KDM4B: variants seen among roughly 807,000 people sequenced by gnomAD.
The protein encoded by KDM4B is lysine demethylase 4B.
In KDM4B, 32 loss-of-function variants were observed where a neutral mutation model predicts 125.2. The observed-to-expected ratio is 0.26, with a 90% CI of 0.19 to 0.34. The LOEUF (loss-of-function observed/expected upper bound fraction) is 0.34. Among genes scored for constraint, KDM4B ranks in the 10% least tolerant of loss-of-function variants. The pLI is 1.00. For missense variants in KDM4B, 1,190 were observed against 1,577.7 expected (o/e 0.75, Z 4.16); for synonymous variants, 721 against 677.9 (o/e 1.06, Z -0.99).
At chr19:4,999,436 C>G (rs933147880) in intron 1 of KDM4B, among the ~76,000 whole-genome samples, 4 of 152,068 alleles carry the variant, frequency 2.6e-5, no homozygotes, top group Admixed American at 2.6e-4. Context: ...CTGGGATTGA[C>G]CAATCTCCAA....
intron 9 of KDM4B, among the ~76,000 whole-genome samples, chr19:5,092,584 C>G (rs751084484): frequency 3.9e-5 from 6 of 152,190 alleles, no homozygotes; most frequent in Non-Finnish European, 7.4e-5. Flanking sequence ...TCGGCAGCCC[C>G]CAGTCTTCTC....
chr19:5,146,040 C>A (rs1023000111), intron 21 of KDM4B, among the ~76,000 whole-genome samples: 1 of 152,104 alleles, frequency 6.6e-6, no homozygotes, highest in African/African-American at 2.4e-5. Context: ...CCCCTACCCC[C>A]CGCCGTGCAG....
rs1211900799 is a variant in KDM4B at position 4,994,498 on chromosome 19, G to C, written c.-108-21759G>C. On this transcript the variant is annotated intron_variant, in intron 1 of 22. Coordinates refer to ENST00000159111, the MANE Select transcript of KDM4B (RefSeq NM_015015.3). ...GAATCGCTTGAACCCGGGAGGTGGA[G>C]ATTGCAGTGAGCCAAGATCATGCCA... 2.2e-5 allele frequency among the ~76,000 whole-genome samples: 3 copies of C among 138,830 alleles called. No individual in the cohort carries two copies. The South Asian group carries it at 6.9e-4, about 32-fold the overall frequency. The allele number at this position is 138,830 out of a possible 152,430, so 91.1% of individuals were successfully genotyped here.
chr19:5,032,430 C>T (rs550197366), intron 2 of KDM4B, among the ~76,000 whole-genome samples: 4 of 152,344 alleles, frequency 2.6e-5, no homozygotes, highest in South Asian at 2.1e-4. Flanking sequence ...TGCCCTTGAG[C>T]GTGTGACCCT....
chr19:5,111,704 C>A, intron 10 of KDM4B: 1 of 754,688 alleles, frequency 1.3e-6, no homozygotes, highest in South Asian at 1.4e-5. Context: ...AGGGACGGCA[C>A]AGAGTGGGCT....
At chr19:5,024,741 G>A (rs371876100) in intron 2 of KDM4B, among the ~76,000 whole-genome samples, 150 of 152,182 alleles carry the variant, frequency 9.9e-4, no homozygotes, top group East Asian at 5.8e-3. Flanking sequence ...ATGAGGTCAG[G>A]AGTTGGAGAC....
chr19:5,069,554 C>G (rs1229572759), intron 6 of KDM4B, among the ~76,000 whole-genome samples: 1 of 151,902 alleles, frequency 6.6e-6, no homozygotes, highest in Non-Finnish European at 1.5e-5. Flanking sequence ...GTGATCCACC[C>G]GCCTCGGCCT....
At chr19:4,993,014 T>C (rs2035076739) in intron 1 of KDM4B, among the ~76,000 whole-genome samples, 4 of 152,228 alleles carry the variant, frequency 2.6e-5, no homozygotes, top group Admixed American at 2.6e-4. Flanking sequence ...GAATGTTCCA[T>C]ATGTACTGAG....
chr19:5,085,154 A>G (rs540532299), intron 9 of KDM4B, among the ~76,000 whole-genome samples: 1 of 152,316 alleles, frequency 6.6e-6, no homozygotes, highest in Non-Finnish European at 1.5e-5. Flanking sequence ...CAGTTTAGAA[A>G]AAGAACAGGG....
intron 11 of KDM4B, among the ~76,000 whole-genome samples, chr19:5,123,960 G>A (rs908757637): frequency 1.3e-5 from 2 of 150,774 alleles, no homozygotes; most frequent in African/African-American, 4.9e-5. Context: ...TGGCTGAGCC[G>A]TGACCATTCT....
chr19:5,095,258 C>T (rs964733711), intron 9 of KDM4B, among the ~76,000 whole-genome samples: 12 of 152,162 alleles, frequency 7.9e-5, no homozygotes, highest in Admixed American at 7.2e-4. Context: ...CTGCAGCTGA[C>T]GAGAGCATTC....
At chr19:5,138,215 T>G in intron 18 of KDM4B, 145 bp downstream of exon 18, 1 of 622,240 alleles carries the variant, frequency 1.6e-6, no homozygotes, top group Non-Finnish European at 2.8e-6. Context: ...AGGAAGCCAG[T>G]GATCCCGACT....
At chr19:5,071,080 C>T (rs376245471) in intron 7 of KDM4B, 21 bp downstream of exon 7, 4 of 1,609,486 alleles carry the variant, frequency 2.5e-6, no homozygotes, top group Non-Finnish European at 3.4e-6. Flanking sequence ...GCCCTGAGGG[C>T]CCCAGGGACC....
In KDM4B at chr19:5,136,161, C is replaced by T. The variant is rs568334093; in HGVS notation, c.2308+600C>T. Among the ~76,000 whole-genome samples the T allele has an allele frequency of 4.6e-4, 70 of 152,326 alleles. 1 individual carries two copies. Among genetic ancestry groups the T allele is most frequent in the African/African-American group, 1.6e-3 (66 of 41,580 alleles). ...CGAGTCTTCTCCAAGGCCTGGGAGG[C>T]GACAGGAGGAACTCAGGCAGCCGCT... On this transcript the variant is annotated intron_variant, in intron 15 of 22. Transcript: ENST00000159111.
chr19:5,039,424 C>T (rs1426887397), intron 3 of KDM4B, among the ~76,000 whole-genome samples: 1 of 152,122 alleles, frequency 6.6e-6, no homozygotes, highest in Admixed American at 6.5e-5. Flanking sequence ...CACTGCAGTC[C>T]AGCCTGAGTG....
Position 4,982,977 on chromosome 19 carries a change from A to G in KDM4B, c.-109+13747A>G, listed in dbSNP as rs144748828. 1.2e-3 allele frequency among the ~76,000 whole-genome samples: 189 copies of G among 152,126 alleles called. 1 individual carries two copies. The highest frequency in any genetic ancestry group is 9.5e-3 in the East Asian group (49 of 5,174). On this transcript the variant is annotated intron_variant, in intron 1 of 22. Coordinates refer to ENST00000159111, the MANE Select transcript of KDM4B (RefSeq NM_015015.3). ...ATGCAGAACAAGCCCGTGTGTCTGA[A>G]TTTTCTGGTAGCTGAGTTAAAAGGT... is the stretch of plus-strand genomic sequence containing the variant.
chr19:5,110,306 A>G (rs1379010670), intron 9 of KDM4B, among the ~76,000 whole-genome samples: 2 of 152,198 alleles, frequency 1.3e-5, no homozygotes, highest in African/African-American at 4.8e-5. Context: ...CCCCATCTCT[A>G]AAAATTCTCT....
chr19:5,077,710 A>G (rs1254057074), intron 8 of KDM4B: 2 of 496,490 alleles, frequency 4.0e-6, no homozygotes, highest in Non-Finnish European at 7.2e-6. Flanking sequence ...AAACCAAACC[A>G]AAACTTCCTC....
Position 5,153,154 on chromosome 19 carries a change from C to T in KDM4B, c.*1643C>T, listed in dbSNP as rs1275913355. ...GAGTGTTACGCAGGAGCAAGCCTTTCATTTCCTTGGTGGGGGAGGGGGGCG... is the reference window on the plus strand; with the variant it reads ...GAGTGTTACGCAGGAGCAAGCCTTTTATTTCCTTGGTGGGGGAGGGGGGCG... On this transcript the variant is annotated 3_prime_UTR_variant, in exon 23 of 23. Coordinates refer to ENST00000159111, the MANE Select transcript of KDM4B (RefSeq NM_015015.3). 7.0e-6 allele frequency: 1 copy of T among 143,830 alleles called. No individual in the cohort carries two copies. The highest frequency in any genetic ancestry group is 7.2e-5 in the Admixed American group (1 of 13,880). 8.9% of individuals were successfully genotyped at this position (143,830 alleles called of 1,614,324 possible).
Sources: gnomAD v4.1 joint callset for allele counts (sites outside exome capture counted in the v4.1 genomes callset) on GRCh38, gnomAD v4.1.1 for gene constraint, MANE v1.5 for transcripts, NCBI Gene and HGNC (gene_info 2026-07-23, HGNC 2026-07-21) for gene names.